Variants in PSMA1 observed in about 807,000 individuals in gnomAD.
PSMA1 encodes proteasome 20S subunit alpha 1, also known as proteasome subunit alpha type-1.
PSMA1 carries 3 observed loss-of-function variants against 38.4 expected under a neutral mutation model. That is an observed-to-expected ratio of 0.08 (90% CI 0.04 to 0.20). PSMA1 has a LOEUF of 0.20. Ranked by LOEUF, PSMA1 falls within the 10% of genes least tolerant of loss-of-function variation. PSMA1 has a pLI of 1.00. For synonymous variants in PSMA1, 101 were observed against 107.1 expected (o/e 0.94, Z 0.35); for missense variants, 227 against 325.3 (o/e 0.70, Z 2.32).
At chr11:14,618,655 T>C (rs1852804783) in intron 1 of PSMA1, among the ~76,000 whole-genome samples, 1 of 152,238 alleles carries the variant, frequency 6.6e-6, no homozygotes, top group Non-Finnish European at 1.5e-5. Flanking sequence ...CCTACTGCAT[T>C]ACATTATAGA....
chr11:14,624,698 G>A (rs1852890626), intron 1 of PSMA1, among the ~76,000 whole-genome samples: 1 of 152,176 alleles, frequency 6.6e-6, no homozygotes, highest in East Asian at 1.9e-4. Context: ...TGATCATTGG[G>A]AGAAGGTAGT....
chr11:14,535,198 A>G (rs1192415365), intron 2 of PSMA1, among the ~76,000 whole-genome samples: 2 of 151,778 alleles, frequency 1.3e-5, no homozygotes, highest in Non-Finnish European at 2.9e-5. Flanking sequence ...CTTGGAATAG[A>G]GCAATCTGGA....
intron 1 of PSMA1, among the ~76,000 whole-genome samples, chr11:14,627,236 A>T (rs577100727): frequency 1.6e-4 from 25 of 152,154 alleles, no homozygotes; most frequent in Non-Finnish European, 2.8e-4. Flanking sequence ...TTTCATCCAT[A>T]ACACTCATCA....
chr11:14,507,446 A>C, intron 9 of PSMA1: 1 of 457,156 alleles, frequency 2.2e-6, no homozygotes, highest in Non-Finnish European at 3.9e-6. Flanking sequence ...GATTACAGGC[A>C]TGAGCCACCG....
At chr11:14,591,455 G>A (rs748238202) in intron 2 of PSMA1, among the ~76,000 whole-genome samples, 2 of 152,332 alleles carry the variant, frequency 1.3e-5, no homozygotes, top group East Asian at 1.9e-4. Context: ...GTGGGCGCAC[G>A]GCACTGGGAC....
intron 4 of PSMA1, 96 bp from the exon 5 acceptor site, chr11:14,514,587 T>A: frequency 1.0e-6 from 1 of 953,328 alleles, no homozygotes. Context: ...TCCAAGCGTT[T>A]ACATGGATAA....
chr11:14,622,408 G>A (rs890203384), intron 1 of PSMA1, among the ~76,000 whole-genome samples: 1 of 152,190 alleles, frequency 6.6e-6, no homozygotes, highest in South Asian at 2.1e-4. Flanking sequence ...ACATTCGTCT[G>A]ATACATTACA....
chr11:14,520,166 C>T (rs1851504648), intron 1 of PSMA1, 131 bp downstream of exon 1: 4 of 1,413,308 alleles, frequency 2.8e-6, no homozygotes, highest in Non-Finnish European at 4.0e-6. Flanking sequence ...ACTGCCGGAG[C>T]CCGGCCGTCT....
At chr11:14,536,022 A>G (rs775233986) in intron 2 of PSMA1, among the ~76,000 whole-genome samples, 12 of 152,188 alleles carry the variant, frequency 7.9e-5, no homozygotes, top group African/African-American at 4.8e-5. Context: ...GGGCTTTTAT[A>G]TAAGAGCCAC....
At chr11:14,532,217 A>C (rs1421317273) in intron 2 of PSMA1, among the ~76,000 whole-genome samples, 1 of 152,172 alleles carries the variant, frequency 6.6e-6, no homozygotes, top group East Asian at 1.9e-4. Flanking sequence ...AATAGAACCT[A>C]AGTTTATTAT....
chr11:14,534,967 G>A lies in PSMA1; in HGVS notation c.22-15926C>T, dbSNP rs1049786246. ...CAGACGCCTGTAATCCCAGCTACTCGGGAGGCTGAGGCAGGAGAATTGCTT... is the reference window on the plus strand; with the variant it reads ...CAGACGCCTGTAATCCCAGCTACTCAGGAGGCTGAGGCAGGAGAATTGCTT... On this transcript the variant is annotated intron_variant, in intron 2 of 10. Transcript: ENST00000418988. This position sits in a 1 kb window ranked among gnomAD's most constrained non-coding sequence, Gnocchi z 4.5. 2.6e-5 allele frequency among the ~76,000 whole-genome samples: 4 copies of A among 151,990 alleles called. No individual in the cohort carries two copies. The highest frequency in any genetic ancestry group is 4.8e-5 in the African/African-American group (2 of 41,372).
intron 1 of PSMA1, among the ~76,000 whole-genome samples, chr11:14,638,779 A>G (rs1853160701): frequency 6.7e-6 from 1 of 150,268 alleles, no homozygotes; most frequent in Non-Finnish European, 1.5e-5. Context: ...TTTGTGGCAG[A>G]ACTCCACAAT....
chr11:14,615,172 A>C (rs1389570558), intron 1 of PSMA1, among the ~76,000 whole-genome samples: 8 of 152,056 alleles, frequency 5.3e-5, no homozygotes, highest in Admixed American at 5.2e-4. Flanking sequence ...TATTTGGTAA[A>C]CCCCTACTTA....
chr11:14,581,225 C>G (rs1852279012), intron 2 of PSMA1, among the ~76,000 whole-genome samples: 1 of 152,158 alleles, frequency 6.6e-6, no homozygotes, highest in Non-Finnish European at 1.5e-5. Flanking sequence ...CCCACCCTTG[C>G]ATTTGTTCTA....
At chr11:14,508,963 TG>T (rs1851296302) in intron 8 of PSMA1, among the ~76,000 whole-genome samples, 1 of 152,186 alleles carries the variant, frequency 6.6e-6, no homozygotes, top group African/African-American at 2.4e-5. Flanking sequence ...TTAGTGTTCT[TG>T]GTCCAGTCCT....
chr11:14,540,739 G>T (rs1851764600), intron 2 of PSMA1, among the ~76,000 whole-genome samples: 1 of 152,168 alleles, frequency 6.6e-6, no homozygotes, highest in African/African-American at 2.4e-5. Context: ...TCTAATGCTG[G>T]CTTACTGTTC....
chr11:14,514,221 G>A (rs1851390693), intron 5 of PSMA1, 182 bp downstream of exon 5: 3 of 1,350,872 alleles, frequency 2.2e-6, no homozygotes, highest in Non-Finnish European at 2.9e-6. Flanking sequence ...CTGAAGTTGG[G>A]CTTATTTGTG....
chr11:14,548,564 C>T (rs922883554), intron 2 of PSMA1, among the ~76,000 whole-genome samples: 3 of 152,124 alleles, frequency 2.0e-5, no homozygotes, highest in Non-Finnish European at 4.4e-5. Flanking sequence ...TATTCAGGGA[C>T]ATCATATTGG....
chr11:14,526,887 C>T (rs920730486), intron 2 of PSMA1, among the ~76,000 whole-genome samples: 14 of 152,164 alleles, frequency 9.2e-5, no homozygotes, highest in Non-Finnish European at 1.9e-4. Context: ...TCTTCCACAT[C>T]TATCACTGAG....
Sources: gnomAD v4.1 joint callset for allele counts (sites outside exome capture counted in the v4.1 genomes callset) on GRCh38, gnomAD v4.1.1 for gene constraint, Gnocchi (gnomAD v3.1) non-coding constraint, MANE v1.5 for transcripts, NCBI Gene and HGNC (gene_info 2026-07-23, HGNC 2026-07-21) for gene names.